KPNA6: variants seen among roughly 807,000 people sequenced by gnomAD.
KPNA6 encodes the protein importin subunit alpha-7.
In KPNA6, 9 loss-of-function variants were observed where a neutral mutation model predicts 72.0. The observed-to-expected ratio is 0.13, with a 90% CI of 0.08 to 0.22. The LOEUF is 0.22. Among genes scored for constraint, KPNA6 ranks in the 10% least tolerant of loss-of-function variants. The pLI is 1.00. For missense variants in KPNA6, 374 were observed against 655.7 expected (o/e 0.57, Z 4.69); for synonymous variants, 219 against 242.1 (o/e 0.90, Z 0.89).
intron 10 of KPNA6, among the ~76,000 whole-genome samples, chr1:32,164,234 A>C (rs947993395): frequency 1.1e-4 from 17 of 151,874 alleles, no homozygotes; most frequent in African/African-American, 4.1e-4. Context: ...ATGCATCAGA[A>C]CTCCTTTGAA....
intron 1 of KPNA6, among the ~76,000 whole-genome samples, chr1:32,150,044 T>C (rs1642000107): frequency 6.6e-6 from 1 of 152,070 alleles, no homozygotes; most frequent in South Asian, 2.1e-4. Flanking sequence ...GTGATGTGTC[T>C]TGTGATTTTC....
chr1:32,112,637 T>G (rs1641260777), intron 1 of KPNA6, among the ~76,000 whole-genome samples: 2 of 151,966 alleles, frequency 1.3e-5, no homozygotes, highest in Non-Finnish European at 2.9e-5. Flanking sequence ...GGATTACAGG[T>G]GCCCACCACC....
chr1:32,129,726 T>A (rs1341809187), intron 1 of KPNA6, among the ~76,000 whole-genome samples: 1 of 152,052 alleles, frequency 6.6e-6, no homozygotes, highest in Non-Finnish European at 1.5e-5. Flanking sequence ...CAGCCAATAT[T>A]TTTTATTTTT....
intron 1 of KPNA6, among the ~76,000 whole-genome samples, chr1:32,127,886 A>C (rs1472386197): frequency 6.6e-6 from 1 of 152,116 alleles, no homozygotes; most frequent in African/African-American, 2.4e-5. Flanking sequence ...TGTGAGTCTA[A>C]ACTAAGTTGT....
Position 32,163,332 on chromosome 1 carries a change from C to G in KPNA6, c.990+19C>G. Reference sequence around the variant, plus strand: ...GACCCAGGTAAGAAAGAGGAGGGTGCAGGATCTTAGACCAGCTATGGAAGA... The same window carrying G: ...GACCCAGGTAAGAAAGAGGAGGGTGGAGGATCTTAGACCAGCTATGGAAGA... On this transcript the variant is annotated intron_variant, in intron 10 of 13. Coordinates refer to ENST00000373625, the MANE Select transcript of KPNA6 (RefSeq NM_012316.5). The G allele has an allele frequency of 3.2e-6, 5 of 1,579,380 alleles. No homozygotes were observed. The highest frequency in any genetic ancestry group is 4.3e-6 in the Non-Finnish European group (5 of 1,151,866).
At chr1:32,153,292 G>A (rs561433688) in intron 1 of KPNA6, among the ~76,000 whole-genome samples, 7 of 152,008 alleles carry the variant, frequency 4.6e-5, no homozygotes, top group African/African-American at 9.6e-5. Context: ...CAGGCCAGGC[G>A]CAGTGGCTCA....
chr1:32,121,645 A>G (rs1641434262), intron 1 of KPNA6, among the ~76,000 whole-genome samples: 1 of 152,186 alleles, frequency 6.6e-6, no homozygotes, highest in Non-Finnish European at 1.5e-5. Context: ...AGTCAGAATT[A>G]AAAGAAAACA....
At chr1:32,133,968 C>T (rs892203189) in intron 1 of KPNA6, among the ~76,000 whole-genome samples, 5 of 151,620 alleles carry the variant, frequency 3.3e-5, no homozygotes, top group East Asian at 1.9e-4. Context: ...TGAGGCCAGG[C>T]GTGGTGGCTC....
At chr1:32,126,422 T>C (rs1641537001) in intron 1 of KPNA6, among the ~76,000 whole-genome samples, 1 of 152,048 alleles carries the variant, frequency 6.6e-6, no homozygotes, top group African/African-American at 2.4e-5. Context: ...TTTTGCCCTT[T>C]TGCCCAGGCT....
Position 32,172,966 on chromosome 1 carries a change from TC to T in KPNA6, c.*2073del, listed in dbSNP as rs747883745. The T allele has an allele frequency of 1.2e-4, 47 of 397,804 alleles. No individual in the cohort carries two copies. The highest frequency in any genetic ancestry group is 6.2e-4 in the Admixed American group (14 of 22,690). The allele number at this position is 397,804 out of a possible 1,614,324, so 24.6% of individuals were successfully genotyped here. On this transcript the variant is annotated 3_prime_UTR_variant, in exon 14 of 14. Coordinates refer to ENST00000373625, the MANE Select transcript of KPNA6 (RefSeq NM_012316.5). ...CCTCTCCTAGTGCTGCAGTCCCACTTCAAAGCCATTTTCTGAGGAGGATGGT... is the reference window on the plus strand; with the variant it reads ...CCTCTCCTAGTGCTGCAGTCCCACTTAAAGCCATTTTCTGAGGAGGATGGT...
At chr1:32,126,236 A>G (rs1251962928) in intron 1 of KPNA6, among the ~76,000 whole-genome samples, 1 of 151,892 alleles carries the variant, frequency 6.6e-6, no homozygotes, top group Non-Finnish European at 1.5e-5. Context: ...GTGGACCATG[A>G]ATTAAGAGAA....
intron 1 of KPNA6, among the ~76,000 whole-genome samples, chr1:32,150,945 A>C (rs1219363493): frequency 6.6e-6 from 1 of 151,854 alleles, no homozygotes; most frequent in African/African-American, 2.4e-5. Context: ...TTTTAGAGAC[A>C]GGGTCTCACT....
chr1:32,160,773 C>A, intron 7 of KPNA6, 70 bp downstream of exon 7: 1 of 1,045,568 alleles, frequency 9.6e-7, no homozygotes, highest in Non-Finnish European at 1.5e-6. Flanking sequence ...TTGGGGGCAG[C>A]ATACTTGATT....
chr1:32,140,238 G>C (rs1489706878), intron 1 of KPNA6, among the ~76,000 whole-genome samples: 1 of 152,084 alleles, frequency 6.6e-6, no homozygotes, highest in African/African-American at 2.4e-5. Context: ...ACAAAAATTA[G>C]CTGGGCATGG....
chr1:32,125,979 T>TAAAAAAA (rs75504815), intron 1 of KPNA6, among the ~76,000 whole-genome samples: 1 of 98,978 alleles, frequency 1.0e-5, no homozygotes, highest in Admixed American at 1.1e-4. Flanking sequence ...CTATATTTAC[T>TAAAAAAA]AAAAAAAAAA....
chr1:32,110,907 C>CA (rs1012902923), intron 1 of KPNA6, among the ~76,000 whole-genome samples: 1 of 152,040 alleles, frequency 6.6e-6, no homozygotes, highest in African/African-American at 2.4e-5. Flanking sequence ...AATAAACAAA[C>CA]AAAAAACAGA....
chr1:32,171,850 AG>A lies in KPNA6; in HGVS notation c.*961del, dbSNP rs1193069927. 1.3e-5 allele frequency: 2 copies of A among 152,140 alleles called. No individual in the cohort carries two copies. The highest frequency in any genetic ancestry group is 4.8e-5 in the African/African-American group (2 of 41,422). 9.4% of individuals were successfully genotyped at this position (152,140 alleles called of 1,614,324 possible). On this transcript the variant is annotated 3_prime_UTR_variant, in exon 14 of 14. Transcript: ENST00000373625. ...CTGTATTTTCTCCTAAGCTTGAGAT[AG>A]GGGGCTGTGGTCCTTCCTTTCTCCT...
At chr1:32,169,613 ATT>A (rs77371621) in intron 12 of KPNA6, among the ~76,000 whole-genome samples, 14 of 129,694 alleles carry the variant, frequency 1.1e-4, no homozygotes, top group Non-Finnish European at 8.3e-5. Flanking sequence ...CACCTGGCCA[ATT>A]TTTTTTTTTT....
chr1:32,109,868 G>A (rs576464034), intron 1 of KPNA6, among the ~76,000 whole-genome samples: 109 of 151,734 alleles, frequency 7.2e-4, no homozygotes, highest in Non-Finnish European at 1.2e-3. Flanking sequence ...GTGTTAGCCA[G>A]GATGGTCTTG....
Sources: gnomAD v4.1 joint callset for allele counts (sites outside exome capture counted in the v4.1 genomes callset) on GRCh38, gnomAD v4.1.1 for gene constraint, MANE v1.5 for transcripts, NCBI Gene and HGNC (gene_info 2026-07-23, HGNC 2026-07-21) for gene names.